The following DPP6 variants were observed in gnomAD, a reference collection of about 807,000 sequenced individuals.
DPP6 encodes A-type potassium channel modulatory protein DPP6.
A neutral mutation model predicts 122.6 loss-of-function variants in DPP6; 69 were observed. That is an observed-to-expected ratio of 0.56 (90% CI 0.46 to 0.69). DPP6 has a LOEUF of 0.69. Among genes scored for constraint, DPP6 ranks in the 30% least tolerant of loss-of-function variants. The pLI is 0.00. For synonymous variants in DPP6, 418 were observed against 433.1 expected, an observed-to-expected ratio of 0.97 and a Z score of 0.43; for missense variants, 928 against 1,116.9, an observed-to-expected ratio of 0.83 and a Z score of 2.41.
Position 154,117,063 on chromosome 7 carries a change from A to G in DPP6, c.243+64000A>G, listed in dbSNP as rs1807041122. On this transcript the variant is annotated intron_variant, in intron 1 of 25. Coordinates refer to ENST00000377770, the MANE Select transcript of DPP6 (RefSeq NM_130797.4). ...GGGAATGAATACATTCTCAACTAAA[A>G]ATACAAATTAAAAGAATTTCTTGCT... Among the ~76,000 whole-genome samples the G allele has an allele frequency of 2.0e-5, 3 of 151,842 alleles. No homozygotes were observed. In the South Asian group the frequency reaches 6.3e-4, roughly 32 times the overall value.
intron 1 of DPP6, among the ~76,000 whole-genome samples, chr7:154,163,296 TAGTGTTG>T (rs1797071418): frequency 6.6e-6 from 1 of 152,112 alleles, no homozygotes; most frequent in African/African-American, 2.4e-5. Flanking sequence ...TGTGTGTTGC[TAGTGTTG>T]AGTCGAGCTG....
chr7:154,761,296 G>A (rs773310963), intron 8 of DPP6, among the ~76,000 whole-genome samples: 30 of 152,272 alleles, frequency 2.0e-4, no homozygotes, highest in South Asian at 6.2e-4. Context: ...GCTCACTCAC[G>A]CGTCCATGGC....
chr7:153,852,726 C>G, the DPP6 span, among the ~76,000 whole-genome samples: 1 of 152,134 alleles, frequency 6.6e-6, no homozygotes, highest in African/African-American at 2.4e-5. Flanking sequence ...AGTTTACTTA[C>G]CAAACACTTA....
the DPP6 span, among the ~76,000 whole-genome samples, chr7:153,814,931 A>G: frequency 2.6e-5 from 4 of 152,170 alleles, no homozygotes; most frequent in African/African-American, 9.7e-5. Flanking sequence ...AAAACTCTCA[A>G]TAAATTAGGT....
intron 1 of DPP6, among the ~76,000 whole-genome samples, chr7:154,140,007 G>T (rs1352553289): frequency 6.6e-6 from 1 of 152,178 alleles, no homozygotes; most frequent in Admixed American, 6.5e-5. Flanking sequence ...GCATCAAGGA[G>T]TAGCCCGTGG....
chr7:153,981,731 A>T (rs909268080), intron 1 of DPP6, among the ~76,000 whole-genome samples: 2 of 152,196 alleles, frequency 1.3e-5, no homozygotes, highest in African/African-American at 4.8e-5. Context: ...CTTTTAGGGA[A>T]GGCCTGGTGG....
rs140584470 is a variant in DPP6, at chr7:154,635,857, C to G, written c.628-1964C>G. ...AGTGTCCTCACAACATGGCAGCCAGCTTCCTCAGAGCAAGTGATATGAAAG... is the reference window on the plus strand; with the variant it reads ...AGTGTCCTCACAACATGGCAGCCAGGTTCCTCAGAGCAAGTGATATGAAAG... On this transcript the variant is annotated intron_variant, in intron 5 of 25. Transcript: ENST00000377770. 5.6e-3 allele frequency among the ~76,000 whole-genome samples: 846 copies of G among 152,312 alleles called. 6 individuals carry two copies. Among genetic ancestry groups the G allele is most frequent in the African/African-American group, 0.019 (807 of 41,566 alleles).
intron 1 of DPP6, among the ~76,000 whole-genome samples, chr7:154,205,434 G>T (rs4565382): frequency 3.3e-5 from 5 of 152,238 alleles, no homozygotes; most frequent in African/African-American, 4.8e-5. Flanking sequence ...TGGAGCCATA[G>T]GTGTGTGACC....
chr7:153,784,075 TA>T, the DPP6 span, among the ~76,000 whole-genome samples: 1 of 152,370 alleles, frequency 6.6e-6, no homozygotes, highest in Admixed American at 6.5e-5. Context: ...GCTTGGAATT[TA>T]AAACAATATA....
chr7:154,405,938 C>G (rs1278653157), intron 1 of DPP6, among the ~76,000 whole-genome samples: 2 of 152,178 alleles, frequency 1.3e-5, no homozygotes, highest in Non-Finnish European at 2.9e-5. Context: ...GGTGAATACT[C>G]TGATACAGAA....
At chr7:154,272,953 C>G (rs1803888427) in intron 1 of DPP6, among the ~76,000 whole-genome samples, 1 of 152,196 alleles carries the variant, frequency 6.6e-6, no homozygotes, top group South Asian at 2.1e-4. Flanking sequence ...TTCCCCAACC[C>G]AGAATGACAG....
chr7:154,617,843 T>C (rs1328830381), intron 5 of DPP6, among the ~76,000 whole-genome samples: 1 of 152,144 alleles, frequency 6.6e-6, no homozygotes, highest in Admixed American at 6.5e-5. Context: ...TTAGTAGCAC[T>C]GGAAAACCCA....
At chr7:154,614,779 G>A (rs566996439) in intron 5 of DPP6, among the ~76,000 whole-genome samples, 1 of 152,308 alleles carries the variant, frequency 6.6e-6, no homozygotes, top group East Asian at 1.9e-4. Context: ...AAGGGAGAAG[G>A]CCTAATTATT....
chr7:154,240,410 T>C (rs538920430), intron 1 of DPP6, among the ~76,000 whole-genome samples: 1 of 152,274 alleles, frequency 6.6e-6, no homozygotes, highest in African/African-American at 2.4e-5. Flanking sequence ...CTCAATACAG[T>C]CCACAGGCTT....
At chr7:154,254,523 A>G (rs969546623) in intron 1 of DPP6, among the ~76,000 whole-genome samples, 3 of 152,164 alleles carry the variant, frequency 2.0e-5, no homozygotes, top group African/African-American at 4.8e-5. Context: ...GGTAAGCAGG[A>G]GTTCTGAGAT....
rs558398924 is a variant in DPP6, at chr7:154,395,643, T to A, written c.244-50571T>A. 4.0e-3 allele frequency among the ~76,000 whole-genome samples: 607 copies of A among 152,286 alleles called. 6 individuals carry two copies. Among genetic ancestry groups the A allele is most frequent in the African/African-American group, 0.014 (567 of 41,574 alleles). On this transcript the variant is annotated intron_variant, in intron 1 of 25. Transcript: ENST00000377770. ...GTACTGATTAGTTTTAACAGGATTT[T>A]AAAAAATGGGATCCTTAAGGTTTTT...
Position 154,555,480 on chromosome 7 carries a change from G to T in DPP6, c.553-11362G>T, listed in dbSNP as rs376385551. ...GGCGACTGTTGTGGGGTGGGGGAAG[G>T]GGGGACGGATAGCATTAGGAGATAT... On this transcript the variant is annotated intron_variant, in intron 4 of 25. Transcript: ENST00000377770. Among the ~76,000 whole-genome samples the T allele has an allele frequency of 2.2e-3, 334 of 152,036 alleles. 3 individuals are homozygous for T. Among genetic ancestry groups the T allele is most frequent in the Non-Finnish European group, 3.9e-3 (266 of 67,972 alleles).
chr7:154,638,962 G>T (rs1835896615), intron 6 of DPP6, among the ~76,000 whole-genome samples: 1 of 152,134 alleles, frequency 6.6e-6, no homozygotes, highest in Non-Finnish European at 1.5e-5. Context: ...AAACTGAATT[G>T]TGCTGCAGAT....
chr7:154,495,166 G>T (rs1252575373), intron 3 of DPP6, among the ~76,000 whole-genome samples: 1 of 152,176 alleles, frequency 6.6e-6, no homozygotes. Context: ...ATATGGATTT[G>T]GCTTAAGCCT....
Sources: gnomAD v4.1 joint callset for allele counts (sites outside exome capture counted in the v4.1 genomes callset) on GRCh38, gnomAD v4.1.1 for gene constraint, MANE v1.5 for transcripts, NCBI Gene and HGNC (gene_info 2026-07-23, HGNC 2026-07-21) for gene names.